The following TBX19 variants were observed in gnomAD, a reference collection of about 807,000 sequenced individuals.
TBX19 encodes T-box transcription factor TBX19.
In TBX19, 33 loss-of-function variants were observed where a neutral mutation model predicts 40.9. The ratio of observed to expected loss-of-function variants is 0.81; its 90% CI spans 0.61 to 1.08. The LOEUF (loss-of-function observed/expected upper bound fraction) is 1.08. TBX19 is among the 50% of genes least tolerant of loss of function. TBX19 has a pLI of 0.00. For synonymous variants in TBX19, 220 were observed against 225.0 expected, an observed-to-expected ratio of 0.98 and a Z score of 0.20; for missense variants, 494 against 574.0, an observed-to-expected ratio of 0.86 and a Z score of 1.42.
chr1:168,286,848 A>G (rs915352354), intron 1 of TBX19, among the ~76,000 whole-genome samples: 1 of 152,236 alleles, frequency 6.6e-6, no homozygotes, highest in African/African-American at 2.4e-5. Context: ...CCTGCCAGCA[A>G]TGTATGAGGA....
chr1:168,288,414 A>G (rs1360116567), intron 1 of TBX19, among the ~76,000 whole-genome samples: 1 of 152,164 alleles, frequency 6.6e-6, no homozygotes, highest in Non-Finnish European at 1.5e-5. Flanking sequence ...TAGAAAAACA[A>G]TCTTGCGGTT....
At chr1:168,284,132 C>G (rs986735596) in intron 1 of TBX19, among the ~76,000 whole-genome samples, 1 of 152,106 alleles carries the variant, frequency 6.6e-6, no homozygotes, top group African/African-American at 2.4e-5. Flanking sequence ...TCTCTCCCCT[C>G]CCCCATTCTA....
At chr1:168,302,152 G>GT (rs1649290965) in intron 5 of TBX19, among the ~76,000 whole-genome samples, 1 of 152,174 alleles carries the variant, frequency 6.6e-6, no homozygotes, top group South Asian at 2.1e-4. Flanking sequence ...TACATTATAT[G>GT]TGGCAAAGTC....
intron 7 of TBX19, 105 bp downstream of exon 7, chr1:168,308,982 T>C: frequency 4.7e-6 from 7 of 1,500,648 alleles, no homozygotes; most frequent in Non-Finnish European, 5.5e-6. Flanking sequence ...GTCTAACCTA[T>C]TGTCTTGACT....
At chr1:168,298,711 C>T (rs1016795512) in intron 4 of TBX19, among the ~76,000 whole-genome samples, 1 of 144,306 alleles carries the variant, frequency 6.9e-6, no homozygotes, top group Admixed American at 7.0e-5. Flanking sequence ...TCCTTTGCTT[C>T]CCTCCTTTCC....
intron 5 of TBX19, among the ~76,000 whole-genome samples, chr1:168,301,709 G>A (rs868380704): frequency 2.0e-5 from 3 of 152,358 alleles, no homozygotes; most frequent in Middle Eastern, 6.8e-3. Context: ...TGGGTTAGCA[G>A]CAGTTACAAG....
chr1:168,312,709 C>G lies in TBX19; in HGVS notation c.1054C>G (p.Pro352Ala). ...TCCCCTCTTTCTCTGTCTCTGCAGCCCCTACCCGTGCCTGTGGACCATCAG... is the reference window on the plus strand; with the variant it reads ...TCCCCTCTTTCTCTGTCTCTGCAGCGCCTACCCGTGCCTGTGGACCATCAG... ...TNGPINPGPS[P>A]YPCLWTISNG... The change falls in exon 8 of 8, where the codon CCC becomes GCC. Residue 352 changes from proline (P) to alanine (A), a missense_variant and splice_region_variant. Pro to Ala is a conservative substitution (Grantham distance 27). Transcript: ENST00000367821. 6.2e-7 allele frequency: 1 copy of G among 1,612,040 alleles called. No individual in the cohort carries two copies. Among genetic ancestry groups the G allele is most frequent in the Non-Finnish European group, 8.5e-7 (1 of 1,180,020 alleles).
chr1:168,306,443 T>C (rs895681469), intron 6 of TBX19, among the ~76,000 whole-genome samples: 1 of 151,840 alleles, frequency 6.6e-6, no homozygotes, highest in Non-Finnish European at 1.5e-5. Flanking sequence ...CTGGCCAACA[T>C]GGCGAAACCC....
intron 2 of TBX19, among the ~76,000 whole-genome samples, chr1:168,292,692 G>A (rs184968411): frequency 9.4e-4 from 143 of 151,886 alleles, no homozygotes; most frequent in African/African-American, 3.4e-3. Flanking sequence ...GTGAAACCCC[G>A]TCTCTACTAA....
At chr1:168,298,831 CTTTCTTTCTTTCT>C (rs1649190776) in intron 4 of TBX19, among the ~76,000 whole-genome samples, 1 of 34,558 alleles carries the variant, frequency 2.9e-5, no homozygotes, top group Non-Finnish European at 5.1e-5. Context: ...TCCTTTCTTT[CTTTCTTTCTTTCT>C]TTCTTTCTTT....
intron 5 of TBX19, among the ~76,000 whole-genome samples, chr1:168,302,861 T>G (rs1649311991): frequency 6.6e-6 from 1 of 152,082 alleles, no homozygotes; most frequent in South Asian, 2.1e-4. Flanking sequence ...AGAGAGGCTT[T>G]CACTCTTCCT....
rs181735375 is a variant in TBX19 at position 168,301,114 on chromosome 1, T to A, written c.727+631T>A. Reference sequence around the variant, plus strand: ...AAGTTAACCCTGATGTCTGAAACCCTCTTTAATTTGGATTATATTGGCTTG... The same window carrying A: ...AAGTTAACCCTGATGTCTGAAACCCACTTTAATTTGGATTATATTGGCTTG... On this transcript the variant is annotated intron_variant, in intron 5 of 7. Transcript: ENST00000367821. Among the ~76,000 whole-genome samples, 173 of 152,320 alleles carry A rather than the reference T, an allele frequency of 1.1e-3. 1 individual carries two copies. The highest frequency in any genetic ancestry group is 1.7e-3 in the Non-Finnish European group (116 of 68,032).
chr1:168,302,220 G>T (rs1199071564), intron 5 of TBX19, among the ~76,000 whole-genome samples: 1 of 152,196 alleles, frequency 6.6e-6, no homozygotes, highest in Admixed American at 6.5e-5. Flanking sequence ...TCTTGATTCT[G>T]TTAGTCAGAT....
chr1:168,291,566 C>G, intron 2 of TBX19, 142 bp downstream of exon 2: 1 of 1,159,530 alleles, frequency 8.6e-7, no homozygotes, highest in Non-Finnish European at 1.3e-6. Context: ...CCCGGGAGTC[C>G]AAATGTAAAC....
intron 3 of TBX19, among the ~76,000 whole-genome samples, chr1:168,293,584 C>T (rs767756698): frequency 6.6e-6 from 1 of 152,114 alleles, no homozygotes; most frequent in African/African-American, 2.4e-5. Flanking sequence ...CCCTATGTGT[C>T]CTTGGCCTGT....
chr1:168,281,775 C>G (rs947532107), intron 1 of TBX19, among the ~76,000 whole-genome samples: 14 of 152,146 alleles, frequency 9.2e-5, no homozygotes, highest in African/African-American at 3.4e-4. Flanking sequence ...AACTCATTGC[C>G]TATCACTTCA....
rs747658135 is a variant in TBX19 at position 168,308,876 on chromosome 1, A to C, written c.1051A>C (p.Ser351Arg). 2 of 1,614,128 alleles carry C rather than the reference A, an allele frequency of 1.2e-6. No homozygotes were observed. The highest frequency in any genetic ancestry group is 4.5e-5 in the East Asian group (2 of 44,876). ...HTNGPINPGP[S>R]PYPCLWTISN... Reference sequence around the variant, plus strand: ...CAACGGACCAATCAATCCAGGGCCCAGGTAAGACCAACACCATCAACTCGC... The same window carrying C: ...CAACGGACCAATCAATCCAGGGCCCCGGTAAGACCAACACCATCAACTCGC... Residue 351 changes from serine to arginine, a missense_variant and splice_region_variant, in exon 7 of 8, where the codon AGC (serine) becomes CGC (arginine). This residue lies in a region of TBX19 where 284 missense variants were observed against 307.3 expected (regional missense o/e 0.92). Transcript: ENST00000367821.
chr1:168,282,788 G>T (rs1486901866), intron 1 of TBX19, among the ~76,000 whole-genome samples: 1 of 152,012 alleles, frequency 6.6e-6, no homozygotes, highest in Admixed American at 6.6e-5. Context: ...TGTATTATTG[G>T]ATACTAATTA....
At chr1:168,281,649 G>A (rs940393542) in intron 1 of TBX19, among the ~76,000 whole-genome samples, 14 of 152,226 alleles carry the variant, frequency 9.2e-5, no homozygotes, top group African/African-American at 3.1e-4. Flanking sequence ...CCCCAACTCC[G>A]TCCAGATAAG....
Sources: allele counts gnomAD v4.1 joint callset (sites outside exome capture counted in the v4.1 genomes callset), GRCh38; gene constraint gnomAD v4.1.1; regional missense constraint gnomAD v4.1.1; transcripts MANE v1.5; gene names NCBI Gene and HGNC (gene_info 2026-07-23, HGNC 2026-07-21).